Variants in UGT1A5 observed in about 807,000 individuals in gnomAD.
UGT1A5 encodes the protein UDP-glucuronosyltransferase 1A5.
A neutral mutation model predicts 40.3 loss-of-function variants in UGT1A5; 29 were observed. The ratio of observed to expected loss-of-function variants is 0.72; its 90% confidence interval spans 0.54 to 0.98. UGT1A5 has a LOEUF of 0.98. Among genes scored for constraint, UGT1A5 ranks in the 50% least tolerant of loss-of-function variants. The pLI, the probability that UGT1A5 is intolerant of heterozygous loss-of-function variation, is 0.00. For missense variants in UGT1A5, 678 were observed against 677.9 expected (o/e 1.00, Z 0.00); for synonymous variants, 257 against 262.5 (o/e 0.98, Z 0.20).
intron 1 of UGT1A5, chr2:233,747,117 G>A: frequency 1.4e-6 from 2 of 1,451,680 alleles, no homozygotes; most frequent in Admixed American, 2.0e-5. Context: ...ATGATGATTT[G>A]CTAAGTGGCT....
At chr2:233,719,149 A>T in intron 1 of UGT1A5, 1 of 1,614,268 alleles carries the variant, frequency 6.2e-7, no homozygotes, top group Non-Finnish European at 8.5e-7. Flanking sequence ...CTGAAGAGAT[A>T]TTCTAGAAGT....
At chr2:233,730,184 G>T (rs1575587766) in intron 1 of UGT1A5, among the ~76,000 whole-genome samples, 1 of 152,132 alleles carries the variant, frequency 6.6e-6, no homozygotes, top group South Asian at 2.1e-4. Context: ...GTTTTAAATG[G>T]TCACTGAGAG....
chr2:233,731,757 G>A (rs2078201217), intron 1 of UGT1A5, among the ~76,000 whole-genome samples: 1 of 152,162 alleles, frequency 6.6e-6, no homozygotes. Flanking sequence ...GTGTGCATGT[G>A]TCCTTAGAGT....
At chr2:233,717,422 G>A (rs1452030789) in intron 1 of UGT1A5, among the ~76,000 whole-genome samples, 1 of 152,202 alleles carries the variant, frequency 6.6e-6, no homozygotes, top group African/African-American at 2.4e-5. Context: ...CTTGAGCTGG[G>A]TGTCCCTCTG....
chr2:233,744,550 CAA>C (rs1194427613), intron 1 of UGT1A5, among the ~76,000 whole-genome samples: 3 of 151,848 alleles, frequency 2.0e-5, no homozygotes, highest in Non-Finnish European at 4.4e-5. Flanking sequence ...TTTATTAAGA[CAA>C]AATGTAGTGA....
In UGT1A5 at chr2:233,721,831, C is replaced by T. The variant is rs75130623; in HGVS notation, c.867+7973C>T. ...AAATCCAGCACCCTATTTGGGCCACCGACCTTGTGTCCAGCCCCACTGCTC... is the reference window on the plus strand; with the variant it reads ...AAATCCAGCACCCTATTTGGGCCACTGACCTTGTGTCCAGCCCCACTGCTC... On this transcript the variant is annotated intron_variant, in intron 1 of 4. Transcript: ENST00000373414. 6.7e-3 allele frequency: 3,461 copies of T among 513,060 alleles called. 26 individuals carry two copies. Among genetic ancestry groups the T allele is most frequent in the Non-Finnish European group, 0.011 (2,698 of 255,510 alleles). 31.8% of individuals were successfully genotyped at this position (513,060 alleles called of 1,614,324 possible).
chr2:233,754,938 G>A lies in UGT1A5; in HGVS notation c.868-12096G>A, dbSNP rs1338582901. ...CAGCGGGTTTCCCAAGAGGTCAAAG[G>A]AGAATGGGTCCCGGCCGCCAAAGAA... On this transcript the variant is annotated intron_variant, in intron 1 of 4. Coordinates refer to ENST00000373414, the MANE Select transcript of UGT1A5 (RefSeq NM_019078.2). 4 of 1,337,850 alleles carry A rather than the reference G, an allele frequency of 3.0e-6. No individual in the cohort carries two copies. The South Asian group carries it at 4.6e-5, about 15-fold the overall frequency. The allele number at this position is 1,337,850 out of a possible 1,614,324, so 82.9% of individuals were successfully genotyped here.
At chr2:233,770,357 A>G (rs1700064442) in intron 4 of UGT1A5, 1 of 152,214 alleles carries the variant, frequency 6.6e-6, no homozygotes, top group Admixed American at 6.5e-5. Flanking sequence ...TATTGAATGA[A>G]TGAATGAAAG....
intron 1 of UGT1A5, among the ~76,000 whole-genome samples, chr2:233,736,157 T>C (rs1193555745): frequency 6.6e-6 from 1 of 152,262 alleles, no homozygotes; most frequent in African/African-American, 2.4e-5. Flanking sequence ...CAGTCAAACG[T>C]AGATTTGGTC....
chr2:233,767,743 A>G (rs543873419), intron 2 of UGT1A5, 106 bp from the exon 3 acceptor site: 2 of 1,585,594 alleles, frequency 1.3e-6, no homozygotes, highest in South Asian at 2.3e-5. Flanking sequence ...CACTCTGTTA[A>G]AGACTGTTCC....
intron 1 of UGT1A5, among the ~76,000 whole-genome samples, chr2:233,749,052 C>A (rs1694096242): frequency 6.6e-6 from 1 of 151,690 alleles, no homozygotes; most frequent in Admixed American, 6.6e-5. Flanking sequence ...TACTCTGGGA[C>A]CTGAATATTG....
At chr2:233,763,328 G>T (rs1698281248) in intron 1 of UGT1A5, among the ~76,000 whole-genome samples, 1 of 152,072 alleles carries the variant, frequency 6.6e-6, no homozygotes, top group African/African-American at 2.4e-5. Context: ...TATTATTTTT[G>T]TTTACATTTC....
At chr2:233,768,122 G>A in intron 3 of UGT1A5, 98 bp from the exon 4 acceptor site, 1 of 1,602,552 alleles carries the variant, frequency 6.2e-7, no homozygotes, top group Non-Finnish European at 8.5e-7. Flanking sequence ...GGGCATGTGA[G>A]TAACACTGAG....
At chr2:233,736,410 T>C (rs1179819701) in intron 1 of UGT1A5, among the ~76,000 whole-genome samples, 1 of 152,232 alleles carries the variant, frequency 6.6e-6, no homozygotes, top group Non-Finnish European at 1.5e-5. Flanking sequence ...TAGGCATTCA[T>C]CTAACCTTTT....
chr2:233,769,819 C>A lies in UGT1A5; in HGVS notation c.1307+1380C>A. On this transcript the variant is annotated intron_variant, in intron 4 of 4. Transcript: ENST00000373414. The surrounding 1 kb of genome is among the most constrained non-coding windows in gnomAD (Gnocchi z 4.4). ...GCTATGAGCCGTGATCATGCCACTG[C>A]ACTCCAGCAACCTGGGCAACAGAGT... 2 of 840,292 alleles carry A rather than the reference C, an allele frequency of 2.4e-6. No homozygotes were observed. The highest frequency in any genetic ancestry group is 3.4e-6 in the Non-Finnish European group (2 of 594,478). The allele number at this position is 840,292 out of a possible 1,614,324, so 52.1% of individuals were successfully genotyped here.
intron 1 of UGT1A5, among the ~76,000 whole-genome samples, chr2:233,766,527 C>A (rs182363342): frequency 6.6e-6 from 1 of 152,236 alleles, no homozygotes; most frequent in Non-Finnish European, 1.5e-5. Context: ...AACATTTAGG[C>A]AGGAAAACAA....
In UGT1A5 at chr2:233,713,447, C is replaced by A; in HGVS notation, c.456C>A (p.Asp152Glu). The change falls in exon 1 of 5, where the codon GAC becomes GAA. Residue 152 changes from aspartate to glutamate, a missense_variant. Physicochemically the swap from Asp to Glu is conservative, Grantham distance 45. Transcript: ENST00000373414. ...HATSFDVVLT[D>E]PFHLCAAVLA... ...CTTCCTTTGATGTGGTTCTAACAGA[C>A]CCCTTTCACCTCTGCGCGGCGGTGC... 1 of 1,614,140 alleles carries A rather than the reference C, an allele frequency of 6.2e-7. No individual in the cohort carries two copies. Among genetic ancestry groups the A allele is most frequent in the Non-Finnish European group, 8.5e-7 (1 of 1,180,024 alleles).
At chr2:233,745,976 A>AC in intron 1 of UGT1A5, among the ~76,000 whole-genome samples, 1 of 151,654 alleles carries the variant, frequency 6.6e-6, no homozygotes, top group Middle Eastern at 3.2e-3. Flanking sequence ...CTGAAATGGG[A>AC]CCATGACAGC....
rs45625338 is a variant in UGT1A5 at position 233,729,259 on chromosome 2, C to T, written c.867+15401C>T. 3,601 of 1,614,078 alleles carry T rather than the reference C, an allele frequency of 2.2e-3. 92 individuals are homozygous for T. In the East Asian group the frequency reaches 0.052, roughly 23 times the overall value. On this transcript the variant is annotated intron_variant, in intron 1 of 4. Transcript: ENST00000373414. ...TGATGGCAGCCACTGGCTCAGCATGCGGGAGGTCTTGCGGGAGCTCCATGC... is the reference window on the plus strand; with the variant it reads ...TGATGGCAGCCACTGGCTCAGCATGTGGGAGGTCTTGCGGGAGCTCCATGC...
Sources: gnomAD v4.1 joint callset for allele counts (sites outside exome capture counted in the v4.1 genomes callset) on GRCh38, gnomAD v4.1.1 for gene constraint, Gnocchi (gnomAD v3.1) non-coding constraint, MANE v1.5 for transcripts, NCBI Gene and HGNC (gene_info 2026-07-23, HGNC 2026-07-21) for gene names.